Variants in IDS observed in about 807,000 individuals in gnomAD.
IDS encodes the protein alpha-L-iduronate sulfate sulfatase.
IDS carries 1 observed loss-of-function variant against 33.5 expected under a neutral mutation model. That is an observed-to-expected ratio of 0.03 (90% CI 0.01 to 0.14). IDS has a LOEUF of 0.14. Ranked by LOEUF, IDS falls within the 10% of genes least tolerant of loss-of-function variation. IDS has a pLI of 1.00. For missense variants in IDS, 328 were observed against 448.0 expected (o/e 0.73, Z 2.42); for synonymous variants, 191 against 184.4 (o/e 1.04, Z -0.29).
intron 8 of IDS, among the ~76,000 whole-genome samples, chrX:149,484,521 C>A (rs782221342): frequency 8.9e-6 from 1 of 112,481 alleles, no homozygotes; most frequent in Non-Finnish European, 1.9e-5. Flanking sequence ...GGGGTTTCTC[C>A]TTGTTGGCCA....
At chrX:149,503,027 C>T in intron 3 of IDS, 1 of 833,890 alleles carries the variant, frequency 1.2e-6, no homozygotes, top group Non-Finnish European at 1.7e-6. Flanking sequence ...CCAACACTGC[C>T]ACCTCCCCAG....
rs1557337456 is a variant in IDS at position 149,481,727 on chromosome X, T to A, written c.*1019A>T. 1 of 112,339 alleles carries A rather than the reference T, an allele frequency of 8.9e-6. No homozygotes were observed. Among genetic ancestry groups the A allele is most frequent in the African/African-American group, 3.2e-5 (1 of 30,904 alleles). 9.3% of individuals were successfully genotyped at this position (112,339 alleles called of 1,213,427 possible). The stretch of plus-strand genomic sequence containing the variant: ...GAATATAGAACTACATTCTGGGAGA[T>A]TGACAATGACCTAATATTACACTAA... On this transcript the variant is annotated 3_prime_UTR_variant, in exon 9 of 9. Transcript: ENST00000340855.
At position 149,490,449 on chromosome X, in the gene IDS, T is replaced by A. The variant is rs2089380933; in HGVS notation, c.880-9A>T. The A allele has an allele frequency of 8.3e-7, 1 of 1,207,879 alleles. No individual in the cohort carries two copies. On this transcript the variant is annotated splice_polypyrimidine_tract_variant and intron_variant, in intron 6 of 8. Transcript: ENST00000340855. ...CTCTGGCGGATTTTCCGCTGCAAAT[T>A]GAAAAAAAATAAAAATGAGAGTGAC... is the stretch of plus-strand genomic sequence containing the variant.
intron 8 of IDS, among the ~76,000 whole-genome samples, chrX:149,486,418 A>G: frequency 9.0e-6 from 1 of 111,512 alleles, no homozygotes; most frequent in Non-Finnish European, 1.9e-5. Context: ...CTTGCCCTTC[A>G]CTGCTGGGGA....
intron 7 of IDS, among the ~76,000 whole-genome samples, chrX:149,488,755 C>T (rs1363466994): frequency 9.0e-6 from 1 of 111,400 alleles, no homozygotes; most frequent in Non-Finnish European, 1.9e-5. Context: ...ACGGGGAAGT[C>T]TGGCTAAGGA....
At chrX:149,484,498 T>A (rs1262575340) in intron 8 of IDS, among the ~76,000 whole-genome samples, 2 of 112,092 alleles carry the variant, frequency 1.8e-5, no homozygotes, top group Non-Finnish European at 3.8e-5. Flanking sequence ...ATTTTTGTAT[T>A]TTTAGTAGAG....
At position 149,483,237 on chromosome X, in the gene IDS, G is replaced by C. The variant is rs1557337665; in HGVS notation, c.1181-19C>G. 3 of 1,149,383 alleles carry C rather than the reference G, an allele frequency of 2.6e-6. No individual in the cohort carries two copies. Among genetic ancestry groups the C allele is most frequent in the Non-Finnish European group, 3.6e-6 (3 of 841,124 alleles). The allele number at this position is 1,149,383 out of a possible 1,213,427, so 94.7% of individuals were successfully genotyped here. A position where few individuals can be genotyped will look rare whatever the true frequency, so the allele number is the denominator to read the frequency against. On this transcript the variant is annotated intron_variant, in intron 8 of 8. Transcript: ENST00000340855. ...TGCCTGCCTGAAACAGGAAGCGACA[G>C]AGCAGAATGGGTTACATTATAAAAG...
chrX:149,496,224 T>TCACACAA (rs1194856003), intron 6 of IDS, 122 bp downstream of exon 6: 4 of 702,997 alleles, frequency 5.7e-6, no homozygotes, highest in Non-Finnish European at 9.0e-6. Context: ...GCCTGATAAC[T>TCACACAA]CACACAAAGA....
At chrX:149,496,958 C>T (rs1379584786) in intron 5 of IDS, among the ~76,000 whole-genome samples, 5 of 112,248 alleles carry the variant, frequency 4.5e-5, no homozygotes, top group African/African-American at 1.6e-4. Flanking sequence ...AAAAAAGGCA[C>T]ATGAGGCAAA....
chrX:149,490,363 G>T lies in IDS; in HGVS notation c.957C>A (p.Asp319Glu), dbSNP rs782488487. ...TQVGRLLSAL[D>E]DLQLANSTII... is the part of the protein sequence containing the mutation. ...TGGTGCTGTTGGCCAGCTGAAGATC[G>T]TCCAAAGCACTCAAGAGGCGGCCGA... The change falls in exon 7 of 9, where the codon GAC (aspartate) becomes GAA (glutamate). Residue 319 changes from aspartate (D) to glutamate (E), a missense_variant. Coordinates refer to ENST00000340855, the MANE Select transcript of IDS (RefSeq NM_000202.8). The T allele has an allele frequency of 1.7e-5, 21 of 1,208,279 alleles. No individual in the cohort carries two copies. The South Asian group carries it at 3.3e-4, about 19-fold the overall frequency.
At chrX:149,492,572 T>C (rs2089402417) in intron 6 of IDS, among the ~76,000 whole-genome samples, 1 of 110,758 alleles carries the variant, frequency 9.0e-6, no homozygotes, top group Admixed American at 9.6e-5. Context: ...GGTGGGTCTA[T>C]CCAGGGAGTG....
Position 149,497,176 on chromosome X carries a change from G to GA in IDS, c.709-661dup, listed in dbSNP as rs1196180401. Among the ~76,000 whole-genome samples, 280 of 102,384 alleles carry GA rather than the reference G, an allele frequency of 2.7e-3. 1 individual carries two copies. The highest frequency in any genetic ancestry group is 7.7e-3 in the African/African-American group (218 of 28,308). 88.9% of individuals were successfully genotyped at this position (102,384 alleles called of 115,157 possible). On this transcript the variant is annotated intron_variant, in intron 5 of 8. Transcript: ENST00000340855. ...AACATATCAAAATTCCAGGCTCCCA[G>GA]AAAAAAAAAAACAAACCCAGGGGTT...
chrX:149,487,349 C>T, intron 7 of IDS: 1 of 1,051,311 alleles, frequency 9.5e-7, no homozygotes, highest in Non-Finnish European at 1.3e-6. Flanking sequence ...TTCCCAAACT[C>T]AAATATCTTA....
At chrX:149,502,891 T>C (rs2334075) in intron 3 of IDS, 155 of 331,650 alleles carry the variant, frequency 4.7e-4, no homozygotes, top group African/African-American at 3.2e-3. Flanking sequence ...AGCCCCCTCA[T>C]TGGGCAATAA....
intron 8 of IDS, among the ~76,000 whole-genome samples, chrX:149,485,057 C>T (rs1557337914): frequency 8.9e-6 from 1 of 111,772 alleles, no homozygotes; most frequent in African/African-American, 3.3e-5. Context: ...CATGTGGAAG[C>T]AATCAGATAA....
chrX:149,482,732 A>G lies in IDS; in HGVS notation c.*14T>C, dbSNP rs1314769472. ...AGGGAGCACATCACATTTGCCATCC[A>G]TGGTTGGCAAAACTCAAGGCATCAA... On this transcript the variant is annotated 3_prime_UTR_variant, in exon 9 of 9. Coordinates refer to ENST00000340855, the MANE Select transcript of IDS (RefSeq NM_000202.8). 1 of 1,211,426 alleles carries G rather than the reference A, an allele frequency of 8.3e-7. No individual in the cohort carries two copies.
rs975572043 is a variant in IDS at position 149,482,773 on chromosome X, T to G, written c.1626A>C (p.Gly542=). 3.3e-6 allele frequency: 4 copies of G among 1,210,029 alleles called. No individual in the cohort carries two copies. Among genetic ancestry groups the G allele is most frequent in the Non-Finnish European group, 4.5e-6 (4 of 895,326 alleles). Residue 542 remains glycine (G), a synonymous_variant, in exon 9 of 9, where the codon GGA becomes GGC. Coordinates refer to ENST00000340855, the MANE Select transcript of IDS (RefSeq NM_000202.8). The stretch of plus-strand genomic sequence containing the variant: ...AAGGCATCAACAACTGGAAAAGATC[T>G]CCACCTTGGGAATCATTATACATAT... ...DHNMYNDSQG[G]DLFQLLMP
At chrX:149,483,379 C>G (rs1396445151) in intron 8 of IDS, among the ~76,000 whole-genome samples, 161 bp from the exon 9 acceptor site, 1 of 111,551 alleles carries the variant, frequency 9.0e-6, no homozygotes, top group Non-Finnish European at 1.9e-5. Context: ...ACCTCGGCAC[C>G]TCACCCTGCA....
Position 149,500,932 on chromosome X carries a change from C to T in IDS, c.507+17G>A. On this transcript the variant is annotated intron_variant, in intron 4 of 8. Transcript: ENST00000340855. The stretch of plus-strand genomic sequence containing the variant: ...AAAAGTGGTTCCTCTTCAGAAATGT[C>T]CCTTTCACAGCCTTACCTTAGTGTT... 1 of 1,053,138 alleles carries T rather than the reference C, an allele frequency of 9.5e-7. No individual in the cohort carries two copies. The highest frequency in any genetic ancestry group is 1.3e-6 in the Non-Finnish European group (1 of 750,042). 86.8% of individuals were successfully genotyped at this position (1,053,138 alleles called of 1,213,427 possible). A position where few individuals can be genotyped will look rare whatever the true frequency, so the allele number is the denominator to read the frequency against.
Sources: gnomAD v4.1 joint callset for allele counts (sites outside exome capture counted in the v4.1 genomes callset) on GRCh38, gnomAD v4.1.1 for gene constraint, MANE v1.5 for transcripts, NCBI Gene and HGNC (gene_info 2026-07-23, HGNC 2026-07-21) for gene names.